The following TMEM52B variants were observed in gnomAD, a reference collection of about 807,000 sequenced individuals.
TMEM52B encodes transmembrane protein 52B, also known as chromosome 12 open reading frame 59.
In TMEM52B, 11 loss-of-function variants were observed where a neutral mutation model predicts 16.1. The observed-to-expected ratio is 0.68, with a 90% confidence interval of 0.43 to 1.13. The LOEUF (loss-of-function observed/expected upper bound fraction) is 1.13. Among genes scored for constraint, TMEM52B ranks in the 50% most tolerant of loss-of-function variants. TMEM52B has a pLI of 0.00. For missense variants in TMEM52B, 243 were observed against 230.4 expected (o/e 1.05, Z -0.35); for synonymous variants, 101 against 93.8 (o/e 1.08, Z -0.45).
intron 1 of TMEM52B, among the ~76,000 whole-genome samples, chr12:10,171,324 C>T (rs1275468423): frequency 6.6e-6 from 1 of 152,146 alleles, no homozygotes; most frequent in Non-Finnish European, 1.5e-5. Context: ...GAATAAAAGG[C>T]AATTTACCCA....
Position 10,186,428 on chromosome 12 carries a change from T to C in TMEM52B, c.146T>C (p.Val49Ala), listed in dbSNP as rs1565427887. 2 of 1,607,422 alleles carry C rather than the reference T, an allele frequency of 1.2e-6. No homozygotes were observed. The highest frequency in any genetic ancestry group is 2.2e-5 in the East Asian group (1 of 44,824). Residue 49 changes from valine (V) to alanine (A), a missense_variant, in exon 4 of 5, where the codon GTG becomes GCG. By Grantham distance (64) the Val-to-Ala change is moderately conservative. Transcript: ENST00000543484. ...WVHLWYIWLL[V>A]VIGALLLLCG... ...CCCGTGGGCTTTTGCAGGTTGCTAG[T>C]GGTAATTGGCGCGCTGCTTCTCCTG...
At chr12:10,182,125 C>CTT (rs577411829) in intron 1 of TMEM52B, 29 of 984,372 alleles carry the variant, frequency 2.9e-5, no homozygotes, top group Middle Eastern at 5.2e-4. Context: ...GGCCCCCTCG[C>CTT]TTTTCCCCTT....
Position 10,185,298 on chromosome 12 carries a change from T to G in TMEM52B, c.99-32T>G. The G allele has an allele frequency of 5.3e-6, 8 of 1,505,650 alleles. No homozygotes were observed. The Admixed American group carries it at 1.3e-4, about 25-fold the overall frequency. 93.3% of individuals were successfully genotyped at this position (1,505,650 alleles called of 1,614,324 possible). A position where few individuals can be genotyped will look rare whatever the true frequency, so the allele number is the denominator to read the frequency against. ...GTTATAACAGGGATTGACTATATTT[T>G]TAATGTAGAAAACTTTATTCTTTCT... On this transcript the variant is annotated intron_variant, in intron 2 of 4. Coordinates refer to ENST00000543484, the MANE Select transcript of TMEM52B (RefSeq NM_001384896.1).
chr12:10,171,954 G>C (rs1483581180), intron 1 of TMEM52B: 1 of 1,388,082 alleles, frequency 7.2e-7, no homozygotes, highest in Admixed American at 1.7e-5. Flanking sequence ...ACATTTTGGG[G>C]CTAACACTGG....
intron 1 of TMEM52B, among the ~76,000 whole-genome samples, chr12:10,171,102 G>C (rs955702511): frequency 6.0e-4 from 92 of 152,284 alleles, no homozygotes; most frequent in African/African-American, 2.1e-3. Context: ...TTCACTTCTG[G>C]TTTTACCTAT....
At chr12:10,177,524 C>T (rs1259500306), upstream of TMEM52B, among the ~76,000 whole-genome samples, 4 of 152,034 alleles carry the variant, frequency 2.6e-5, no homozygotes, top group Non-Finnish European at 5.9e-5. Flanking sequence ...TTATTCAATT[C>T]TTATGAGATA....
chr12:10,186,870 A>T (rs575631182), intron 4 of TMEM52B, among the ~76,000 whole-genome samples: 2 of 152,338 alleles, frequency 1.3e-5, no homozygotes, highest in African/African-American at 4.8e-5. Flanking sequence ...TTACTTTGCT[A>T]AAAACTATTT....
chr12:10,184,464 A>G (rs559206897), intron 2 of TMEM52B, among the ~76,000 whole-genome samples: 11 of 152,188 alleles, frequency 7.2e-5, no homozygotes, highest in African/African-American at 2.4e-4. Flanking sequence ...TCCTCACCCT[A>G]TGGGATCGGA....
chr12:10,171,500 G>A (rs536680433), intron 1 of TMEM52B, among the ~76,000 whole-genome samples: 1 of 152,160 alleles, frequency 6.6e-6, no homozygotes, highest in Non-Finnish European at 1.5e-5. Context: ...AATTCATGAG[G>A]TACTTCAGGT....
chr12:10,186,980 CAT>C (rs1948887124), intron 4 of TMEM52B, among the ~76,000 whole-genome samples: 1 of 151,858 alleles, frequency 6.6e-6, no homozygotes, highest in Admixed American at 6.6e-5. Context: ...AAATTAATGA[CAT>C]GTACTTTCAG....
At chr12:10,184,786 T>A (rs1016703064) in intron 2 of TMEM52B, among the ~76,000 whole-genome samples, 4 of 152,188 alleles carry the variant, frequency 2.6e-5, no homozygotes, top group Non-Finnish European at 5.9e-5. Flanking sequence ...AAGTTTCACA[T>A]CCATTTTCAA....
intron 4 of TMEM52B, among the ~76,000 whole-genome samples, chr12:10,189,621 C>G (rs1402232803): frequency 1.2e-5 from 1 of 83,390 alleles, no homozygotes; most frequent in Admixed American, 1.2e-4. Flanking sequence ...AAAACTCCGT[C>G]TCAAAAAAAA....
At chr12:10,172,627 G>A (rs1029960178) in intron 1 of TMEM52B, among the ~76,000 whole-genome samples, 5 of 152,170 alleles carry the variant, frequency 3.3e-5, no homozygotes, top group Admixed American at 2.0e-4. Context: ...TCCAGCGATG[G>A]TGTGTCCTGG....
At chr12:10,175,799 G>A (rs978013629), upstream of TMEM52B, among the ~76,000 whole-genome samples, 2 of 152,210 alleles carry the variant, frequency 1.3e-5, no homozygotes, top group Admixed American at 1.3e-4. Flanking sequence ...ATAGTTTGAG[G>A]TTGATGCCTC....
intron 4 of TMEM52B, 105 bp downstream of exon 4, chr12:10,186,694 A>C (rs1296285707): frequency 1.4e-5 from 16 of 1,184,410 alleles, no homozygotes; most frequent in Non-Finnish European, 1.8e-5. Flanking sequence ...TAAAGATTCC[A>C]GGACTCACAA....
chr12:10,186,478 CGCT>C lies in TMEM52B; in HGVS notation c.204_206del (p.Cys69del), dbSNP rs759249373. The C allele has an allele frequency of 5.0e-6, 8 of 1,612,510 alleles. No individual in the cohort carries two copies. The Admixed American group carries it at 8.3e-5, about 17-fold the overall frequency. On this transcript the variant is annotated inframe_deletion, in exon 4 of 5. Coordinates refer to ENST00000543484, the MANE Select transcript of TMEM52B (RefSeq NM_001384896.1). Reference sequence around the variant, plus strand: ...GTGTGGCCTGACGTCCCTGTGCTTCCGCTGCTGCTGTCTGAGCCGCCAGCAAAA... The same window carrying C: ...GTGTGGCCTGACGTCCCTGTGCTTCCGCTGCTGTCTGAGCCGCCAGCAAAA...
At chr12:10,188,102 C>A in intron 4 of TMEM52B, among the ~76,000 whole-genome samples, 2 of 151,818 alleles carry the variant, frequency 1.3e-5, no homozygotes, top group African/African-American at 2.4e-5. Context: ...GACCCTGTCT[C>A]AAAACAACAA....
At chr12:10,172,094 AGAAT>A in intron 1 of TMEM52B, 3 of 1,597,434 alleles carry the variant, frequency 1.9e-6, no homozygotes, top group Non-Finnish European at 1.7e-6. Context: ...ATTCAAGCTA[AGAAT>A]GAGAGAGTGA....
chr12:10,180,714 T>C (rs972423502), intron 1 of TMEM52B, among the ~76,000 whole-genome samples: 1 of 152,212 alleles, frequency 6.6e-6, no homozygotes, highest in Non-Finnish European at 1.5e-5. Context: ...TCTAGGGCCT[T>C]TGTGGTTGCT....
Sources: gnomAD v4.1 joint callset for allele counts (sites outside exome capture counted in the v4.1 genomes callset) on GRCh38, gnomAD v4.1.1 for gene constraint, MANE v1.5 for transcripts, NCBI Gene and HGNC (gene_info 2026-07-23, HGNC 2026-07-21) for gene names.